The following TGDS variants were observed in gnomAD, a reference collection of about 807,000 sequenced individuals.
TGDS encodes UDP-D-glucose 4,6-dehydratase.
Under a neutral mutation model 52.3 loss-of-function variants are expected in TGDS, and 47 were observed. The observed-to-expected ratio is 0.90, with a 90% CI of 0.71 to 1.15. The LOEUF (loss-of-function observed/expected upper bound fraction) is 1.15, where lower values mean the gene tolerates loss of function less well. Among genes scored for constraint, TGDS ranks in the 50% most tolerant of loss-of-function variants. The probability of loss-of-function intolerance (pLI) is 0.00; values close to 1 mark genes in which losing one functional copy is unlikely to be tolerated. For missense variants in TGDS, 375 were observed against 418.4 expected, an observed-to-expected ratio of 0.90 and a Z score of 0.90; for synonymous variants, 115 against 136.9, an observed-to-expected ratio of 0.84 and a Z score of 1.12.
chr13:94,582,683 T>C (rs776078389), intron 5 of TGDS, among the ~76,000 whole-genome samples: 22 of 152,192 alleles, frequency 1.4e-4, no homozygotes, highest in Non-Finnish European at 2.2e-4. Flanking sequence ...AATCTGAGTA[T>C]GCACCATCTA....
At chr13:94,578,867 T>C in intron 7 of TGDS, 94 bp from the exon 8 acceptor site, 1 of 697,528 alleles carries the variant, frequency 1.4e-6, no homozygotes, top group Non-Finnish European at 2.4e-6. Context: ...TTAAGAAATA[T>C]GCATATGGAT....
In TGDS at chr13:94,578,001, A is replaced by T. The variant is rs757254333; in HGVS notation, c.825+4T>A. On this transcript the variant is annotated splice_donor_region_variant and intron_variant, in intron 9 of 11. Coordinates refer to ENST00000261296, the MANE Select transcript of TGDS (RefSeq NM_014305.4). The stretch of plus-strand genomic sequence containing the variant: ...AATACCAACCTTTTAAAACAGATAC[A>T]TACCAGTTGTATTAGTTCTTTGGCA... 57 of 1,612,720 alleles carry T rather than the reference A, an allele frequency of 3.5e-5. No homozygotes were observed. The highest frequency in any genetic ancestry group is 4.8e-5 in the Non-Finnish European group (57 of 1,179,374).
intron 4 of TGDS, among the ~76,000 whole-genome samples, chr13:94,584,166 C>T (rs1888899098): frequency 6.6e-6 from 1 of 152,178 alleles, no homozygotes; most frequent in African/African-American, 2.4e-5. Context: ...ATAGGCATTT[C>T]CCTCTAACCC....
At chr13:94,595,898 G>A (rs1889358056) in intron 1 of TGDS, 153 bp downstream of exon 1, 1 of 801,824 alleles carries the variant, frequency 1.2e-6, no homozygotes, top group Admixed American at 2.3e-5. Context: ...GCCAGAGAGA[G>A]AAAAGCTGGT....
Position 94,577,413 on chromosome 13 carries a change from G to C in TGDS, c.842C>G (p.Ser281Ter). 6.3e-7 allele frequency: 1 copy of C among 1,575,826 alleles called. No individual in the cohort carries two copies. The highest frequency in any genetic ancestry group is 8.6e-7 in the Non-Finnish European group (1 of 1,165,530). ...ELIQLIKETN[S>*]ESEMENWVDY... ...AACCCAATTTTCCATTTCAGACTCT[G>C]AATTGGTCTCTTTGATCTGTCAAAA... Residue 281 changes from serine to a stop codon, truncating the protein, a stop_gained, in exon 10 of 12, where the codon TCA becomes TGA. Coordinates refer to ENST00000261296, the MANE Select transcript of TGDS (RefSeq NM_014305.4). LOFTEE classifies it high-confidence loss of function.
At chr13:94,587,361 T>C (rs964656802) in intron 4 of TGDS, among the ~76,000 whole-genome samples, 2 of 152,164 alleles carry the variant, frequency 1.3e-5, no homozygotes, top group Non-Finnish European at 2.9e-5. Context: ...CAATGTCAAA[T>C]GTCAAATGTT....
intron 11 of TGDS, among the ~76,000 whole-genome samples, chr13:94,575,682 T>G (rs577943929): frequency 6.7e-6 from 1 of 149,100 alleles, no homozygotes; most frequent in East Asian, 1.9e-4. Flanking sequence ...TTTAAATTAT[T>G]TTTTGTTTCT....
intron 5 of TGDS, among the ~76,000 whole-genome samples, chr13:94,581,494 C>A (rs377613453): frequency 6.6e-6 from 1 of 152,160 alleles, no homozygotes; most frequent in Non-Finnish European, 1.5e-5. Flanking sequence ...AGAGGAAGGC[C>A]ATACCCTTGA....
chr13:94,596,113 T>G lies in TGDS; in HGVS notation c.24A>C (p.Glu8Asp). MSAACWEEPWGLPGGFAK... is the reference protein window; with the variant it reads MSAACWEDPWGLPGGFAK... ...CAAAGCCGCCGGGAAGACCCCACGG[T>G]TCCTCCCAACACGCCGCCGACATCT... is the stretch of plus-strand genomic sequence containing the variant. Residue 8 changes from glutamate (E) to aspartate (D), a missense_variant, in exon 1 of 12, where the codon GAA (glutamate) becomes GAC (aspartate). By Grantham distance (45) the Glu-to-Asp change is conservative. Coordinates refer to ENST00000261296, the MANE Select transcript of TGDS (RefSeq NM_014305.4). The G allele has an allele frequency of 6.2e-7, 1 of 1,614,112 alleles. No individual in the cohort carries two copies. The highest frequency in any genetic ancestry group is 8.5e-7 in the Non-Finnish European group (1 of 1,180,004).
At chr13:94,594,148 T>C (rs1889296415) in intron 1 of TGDS, among the ~76,000 whole-genome samples, 1 of 152,210 alleles carries the variant, frequency 6.6e-6, no homozygotes, top group Non-Finnish European at 1.5e-5. Context: ...GAGAATGTAC[T>C]GGTTCTGGGT....
At chr13:94,587,245 A>C (rs1889023650) in intron 4 of TGDS, among the ~76,000 whole-genome samples, 1 of 152,224 alleles carries the variant, frequency 6.6e-6, no homozygotes, top group African/African-American at 2.4e-5. Flanking sequence ...GCCTAAACAA[A>C]GTAGAAATAA....
intron 3 of TGDS, 72 bp downstream of exon 3, chr13:94,592,169 G>T: frequency 8.6e-7 from 1 of 1,169,282 alleles, no homozygotes; most frequent in Non-Finnish European, 1.2e-6. Context: ...ACACAAGTTT[G>T]TAAAGTACAA....
At chr13:94,585,293 C>G (rs1888937767) in intron 4 of TGDS, among the ~76,000 whole-genome samples, 1 of 151,998 alleles carries the variant, frequency 6.6e-6, no homozygotes, top group Non-Finnish European at 1.5e-5. Flanking sequence ...GGTGATCCAC[C>G]TACCTCAGCC....
Position 94,591,019 on chromosome 13 carries a change from TC to T in TGDS, c.223-77del, listed in dbSNP as rs1889183515. The T allele has an allele frequency of 9.8e-6, 9 of 915,600 alleles. No individual in the cohort carries two copies. The East Asian group carries it at 2.5e-4, about 26-fold the overall frequency. 56.7% of individuals were successfully genotyped at this position (915,600 alleles called of 1,614,324 possible). A position where few individuals can be genotyped will look rare whatever the true frequency, so the allele number is the denominator to read the frequency against. On this transcript the variant is annotated intron_variant, in intron 3 of 11. Transcript: ENST00000261296. ...ATTCATAACCATTTTTACTATAGCA[TC>T]CCCCTACCTCCCACCTCCCTGTTTA...
rs376564888 is a variant in TGDS, at chr13:94,584,363, C to T, written c.314-1127G>A. ...GTCCTTAAAAGAAGAAATGTGGACT[C>T]ACTGTGTGTTTTGGAATAAAGTAAA... is the stretch of plus-strand genomic sequence containing the variant. On this transcript the variant is annotated intron_variant, in intron 4 of 11. Transcript: ENST00000261296. 3.0e-4 allele frequency among the ~76,000 whole-genome samples: 45 copies of T among 152,228 alleles called. No homozygotes were observed. The South Asian group carries it at 9.3e-3, about 32-fold the overall frequency.
rs374757364 is a variant in TGDS, at chr13:94,578,121, C to T, written c.709G>A (p.Asp237Asn). The T allele has an allele frequency of 6.2e-7, 1 of 1,613,792 alleles. No individual in the cohort carries two copies. The highest frequency in any genetic ancestry group is 1.1e-5 in the South Asian group (1 of 91,068). Reference sequence around the variant, plus strand: ...ACAGTGAGAAATGCTTCTACAACATCAGTAGCATAAAGGAAGTTTCTTGTT... The same window carrying T: ...ACAGTGAGAAATGCTTCTACAACATTAGTAGCATAAAGGAAGTTTCTTGTT... ...LQTRNFLYAT[D>N]VVEAFLTVLK... Residue 237 changes from aspartate to asparagine, a missense_variant, in exon 9 of 12, where the codon GAT becomes AAT. Asp to Asn is a conservative substitution (Grantham distance 23). Transcript: ENST00000261296.
intron 3 of TGDS, among the ~76,000 whole-genome samples, chr13:94,592,003 A>G (rs1889218422): frequency 6.6e-6 from 1 of 152,208 alleles, no homozygotes; most frequent in Admixed American, 6.5e-5. Context: ...GAATTCAGTC[A>G]GCTACTGGTA....
upstream of TGDS, chr13:94,596,202 G>A: frequency 2.7e-6 from 4 of 1,501,490 alleles, no homozygotes; most frequent in South Asian, 2.4e-5. Flanking sequence ...AAGTTCCGCC[G>A]CGACCTTTTG....
chr13:94,574,753 G>A lies in TGDS; in HGVS notation c.*29C>T. 1 of 1,442,240 alleles carries A rather than the reference G, an allele frequency of 6.9e-7. No homozygotes were observed. The highest frequency in any genetic ancestry group is 2.3e-5 in the East Asian group (1 of 43,754). The allele number at this position is 1,442,240 out of a possible 1,614,324, so 89.3% of individuals were successfully genotyped here. On this transcript the variant is annotated 3_prime_UTR_variant, in exon 12 of 12. Transcript: ENST00000261296. ...GCGAGGTAGGATAACTTTCTTCTTT[G>A]ACAACTGTCTCGACTATATAAATGG...
Sources: allele counts gnomAD v4.1 joint callset (sites outside exome capture counted in the v4.1 genomes callset), GRCh38; gene constraint gnomAD v4.1.1; transcripts MANE v1.5; gene names NCBI Gene and HGNC (gene_info 2026-07-23, HGNC 2026-07-21).